SLF2: variants seen among roughly 807,000 people sequenced by gnomAD.
The protein encoded by SLF2 is SMC5/6 complex localization factor 2, also known as SMC5-SMC6 complex localization factor protein 2.
Under a neutral mutation model 124.3 loss-of-function variants are expected in SLF2, and 68 were observed. The observed-to-expected ratio is 0.55, with a 90% CI of 0.45 to 0.67. The LOEUF is 0.67. SLF2 is among the 30% of genes least tolerant of loss of function. SLF2 has a pLI of 0.00. For synonymous variants in SLF2, 480 were observed against 478.8 expected, an observed-to-expected ratio of 1.00 and a Z score of -0.03; for missense variants, 1,246 against 1,373.7, an observed-to-expected ratio of 0.91 and a Z score of 1.47.
chr10:100,947,122 G>A lies in SLF2; in HGVS notation c.3018G>A (p.Trp1006Ter). 1 of 1,572,916 alleles carries A rather than the reference G, an allele frequency of 6.4e-7. No individual in the cohort carries two copies. Among genetic ancestry groups the A allele is most frequent in the Non-Finnish European group, 8.6e-7 (1 of 1,163,422 alleles). ...LLWLVQLVPN[W>*]TSRGRQLRQC... ...GGTTGGTACAGCTGGTCCCTAATTG[G>A]ACATCACGTGGAAGGTATTAAAAAG... is the stretch of plus-strand genomic sequence containing the variant. Residue 1006 changes from tryptophan to a stop codon, truncating the protein, a stop_gained, in exon 14 of 20, where the codon TGG becomes TGA. Coordinates refer to ENST00000238961, the MANE Select transcript of SLF2 (RefSeq NM_018121.4). LOFTEE classifies it high-confidence loss of function.
At chr10:100,939,949 G>C (rs1849935616) in intron 11 of SLF2, among the ~76,000 whole-genome samples, 1 of 152,180 alleles carries the variant, frequency 6.6e-6, no homozygotes, top group Non-Finnish European at 1.5e-5. Context: ...ATTTCAGCTA[G>C]AGACTATGTT....
At chr10:100,926,505 G>A (rs1167800381) in intron 6 of SLF2, 1 of 359,436 alleles carries the variant, frequency 2.8e-6, no homozygotes, top group African/African-American at 2.1e-5. Context: ...TCAACAGGCT[G>A]AGGTTGGGAG....
chr10:100,937,338 G>A, intron 9 of SLF2, 64 bp from the exon 10 acceptor site: 1 of 1,296,380 alleles, frequency 7.7e-7, no homozygotes. Context: ...TATGTGCCTA[G>A]CAAATAATGA....
intron 15 of SLF2, among the ~76,000 whole-genome samples, chr10:100,948,696 C>T (rs1165635454): frequency 6.6e-6 from 1 of 152,016 alleles, no homozygotes; most frequent in Non-Finnish European, 1.5e-5. Flanking sequence ...TCCTAGCCAA[C>T]ACGGTGAAAC....
chr10:100,939,245 T>C (rs1162695273), intron 11 of SLF2, among the ~76,000 whole-genome samples: 2 of 152,132 alleles, frequency 1.3e-5, no homozygotes, highest in Non-Finnish European at 2.9e-5. Flanking sequence ...CTGGGCTGGG[T>C]GTGGTGGCTT....
At chr10:100,944,288 G>T (rs12355569) in intron 12 of SLF2, among the ~76,000 whole-genome samples, 160 bp downstream of exon 12, 2 of 151,782 alleles carry the variant, frequency 1.3e-5, no homozygotes, top group Admixed American at 1.3e-4. Flanking sequence ...AAGGTCAGGA[G>T]ATCGAGACCA....
chr10:100,929,796 A>G, intron 7 of SLF2, 34 bp from the exon 8 acceptor site: 2 of 1,501,778 alleles, frequency 1.3e-6, no homozygotes, highest in Non-Finnish European at 1.8e-6. Context: ...GTAGTGTAAC[A>G]ATTTGGTATT....
Position 100,962,907 on chromosome 10 carries a change from G to A in SLF2, c.*995G>A, listed in dbSNP as rs1589972718. 1 of 152,544 alleles carries A rather than the reference G, an allele frequency of 6.6e-6. No homozygotes were observed. The highest frequency in any genetic ancestry group is 1.9e-4 in the East Asian group (1 of 5,178). The allele number at this position is 152,544 out of a possible 1,614,324, so 9.4% of individuals were successfully genotyped here. A position where few individuals can be genotyped will look rare whatever the true frequency, so the allele number is the denominator to read the frequency against. ...GAAGTTGTTGCACTTCAAAACCACA[G>A]CTGCTGTAAATTCTTAAACACTGGA... is the stretch of plus-strand genomic sequence containing the variant. On this transcript the variant is annotated 3_prime_UTR_variant, in exon 20 of 20. Transcript: ENST00000238961.
chr10:100,926,160 A>G (rs1849607728), intron 6 of SLF2, 141 bp downstream of exon 6: 2 of 1,557,828 alleles, frequency 1.3e-6, no homozygotes, highest in Admixed American at 1.9e-5. Flanking sequence ...AGAATAAGAT[A>G]TGTTGGCCGG....
chr10:100,930,635 A>G (rs906470388), intron 8 of SLF2, among the ~76,000 whole-genome samples: 2 of 152,198 alleles, frequency 1.3e-5, no homozygotes, highest in Non-Finnish European at 2.9e-5. Flanking sequence ...CTCTCAGTGC[A>G]TGATATCTCA....
chr10:100,920,324 T>C (rs967801015), intron 4 of SLF2, among the ~76,000 whole-genome samples: 4 of 152,230 alleles, frequency 2.6e-5, no homozygotes, highest in Non-Finnish European at 4.4e-5. Flanking sequence ...AAAAATCTTT[T>C]CATTTCCTGG....
In SLF2 at chr10:100,927,752, T is replaced by C. The variant is rs527845397; in HGVS notation, c.2043-1565T>C. Reference sequence around the variant, plus strand: ...TCTCCACATCTTTGCCAACACATTATTTTATCTTTGTTTTTTGTTTGTTTT... The same window carrying C: ...TCTCCACATCTTTGCCAACACATTACTTTATCTTTGTTTTTTGTTTGTTTT... On this transcript the variant is annotated intron_variant, in intron 6 of 19. Transcript: ENST00000238961. Among the ~76,000 whole-genome samples, 3 of 152,322 alleles carry C rather than the reference T, an allele frequency of 2.0e-5. No individual in the cohort carries two copies. The South Asian group carries it at 6.2e-4, about 32-fold the overall frequency.
chr10:100,916,116 C>G, intron 2 of SLF2, 74 bp downstream of exon 2: 1 of 1,106,842 alleles, frequency 9.0e-7, no homozygotes, highest in Admixed American at 2.0e-5. Flanking sequence ...ACTTTAAAAC[C>G]TACTCTAAAC....
chr10:100,929,704 C>A, intron 7 of SLF2, 126 bp from the exon 8 acceptor site: 2 of 736,178 alleles, frequency 2.7e-6, no homozygotes, highest in Non-Finnish European at 4.2e-6. Context: ...ATACTTTTCT[C>A]ATGCTAGTCT....
intron 6 of SLF2, 33 bp downstream of exon 6, chr10:100,926,052 T>G: frequency 6.2e-7 from 1 of 1,614,250 alleles, no homozygotes; most frequent in South Asian, 1.1e-5. Flanking sequence ...TTGCTAAATT[T>G]AACATTTTGC....
chr10:100,946,511 G>C (rs1196757160), intron 13 of SLF2, among the ~76,000 whole-genome samples: 9 of 151,970 alleles, frequency 5.9e-5, no homozygotes, highest in Non-Finnish European at 1.0e-4. Context: ...GTATTTAGTA[G>C]AGACAGGGTT....
intron 18 of SLF2, among the ~76,000 whole-genome samples, chr10:100,957,087 C>T (rs1281564301): frequency 6.6e-6 from 1 of 152,028 alleles, no homozygotes; most frequent in African/African-American, 2.4e-5. Flanking sequence ...CTCCTGACAC[C>T]CAAGGAGAAA....
intron 19 of SLF2, 60 bp from the exon 20 acceptor site, chr10:100,961,817 A>T (rs1227534312): frequency 6.9e-7 from 1 of 1,448,904 alleles, no homozygotes; most frequent in East Asian, 2.3e-5. Context: ...TTTTATAAGG[A>T]TTAATTCATA....
intron 11 of SLF2, among the ~76,000 whole-genome samples, chr10:100,943,065 A>C (rs990983641): frequency 6.6e-6 from 1 of 152,244 alleles, no homozygotes; most frequent in Non-Finnish European, 1.5e-5. Context: ...GGTGGGACTG[A>C]AAGTTTCAGC....
Sources: allele counts gnomAD v4.1 joint callset (sites outside exome capture counted in the v4.1 genomes callset), GRCh38; gene constraint gnomAD v4.1.1; transcripts MANE v1.5; gene names NCBI Gene and HGNC (gene_info 2026-07-23, HGNC 2026-07-21).